NAALADL2: variants seen among roughly 807,000 people sequenced by gnomAD.
NAALADL2 encodes N-acetylated alpha-linked acidic dipeptidase like 2.
A neutral mutation model predicts 87.2 loss-of-function variants in NAALADL2; 76 were observed. The observed-to-expected ratio is 0.87, with a 90% confidence interval of 0.72 to 1.05. The LOEUF (loss-of-function observed/expected upper bound fraction) is 1.05, where lower values mean the gene tolerates loss of function less well. Ranked by LOEUF, NAALADL2 falls within the 50% of genes least tolerant of loss-of-function variation. NAALADL2 has a pLI of 0.00. For missense variants in NAALADL2, 1,089 were observed against 945.8 expected (o/e 1.15, Z -1.99); for synonymous variants, 354 against 331.0 (o/e 1.07, Z -0.75).
chr3:174,628,037 T>A (rs2108685332), intron 2 of NAALADL2, among the ~76,000 whole-genome samples: 1 of 152,322 alleles, frequency 6.6e-6, no homozygotes, highest in East Asian at 1.9e-4. Flanking sequence ...GACTTCACCA[T>A]TGTGCAATAT....
intron 2 of NAALADL2, among the ~76,000 whole-genome samples, chr3:175,214,724 A>C (rs1269650464): frequency 5.3e-5 from 8 of 152,144 alleles, no homozygotes. Flanking sequence ...ATTCCTACTA[A>C]ACTGGGTAAC....
At chr3:174,522,907 T>C (rs1488402843) in intron 1 of NAALADL2, among the ~76,000 whole-genome samples, 1 of 131,654 alleles carries the variant, frequency 7.6e-6, no homozygotes, top group Non-Finnish European at 1.5e-5. Flanking sequence ...GCACTCCAGC[T>C]TGGGCGAAAG....
chr3:175,100,027 T>C (rs1721854627), intron 2 of NAALADL2, among the ~76,000 whole-genome samples: 1 of 150,694 alleles, frequency 6.6e-6, no homozygotes, highest in South Asian at 2.1e-4. Flanking sequence ...AGTATTTATA[T>C]TATATGATAT....
intron 9 of NAALADL2, among the ~76,000 whole-genome samples, chr3:175,558,768 G>T (rs1358266900): frequency 1.3e-5 from 2 of 152,006 alleles, no homozygotes; most frequent in Non-Finnish European, 2.9e-5. Context: ...TCTCTATTCT[G>T]TTCCACTGAT....
chr3:175,187,567 A>T (rs1346834682), intron 2 of NAALADL2, among the ~76,000 whole-genome samples: 1 of 152,160 alleles, frequency 6.6e-6, no homozygotes, highest in African/African-American at 2.4e-5. Context: ...CTTCCAAATG[A>T]TTATTTTATT....
At chr3:175,503,961 T>C (rs1729912623) in intron 9 of NAALADL2, among the ~76,000 whole-genome samples, 1 of 152,224 alleles carries the variant, frequency 6.6e-6, no homozygotes, top group South Asian at 2.1e-4. Context: ...ATTTTTGTTT[T>C]TCTTCCAATT....
intron 1 of NAALADL2, among the ~76,000 whole-genome samples, chr3:174,876,820 G>A (rs1165529441): frequency 1.3e-5 from 2 of 152,094 alleles, no homozygotes; most frequent in African/African-American, 4.8e-5. Flanking sequence ...GGCTTGGGCT[G>A]CTAAAACAAA....
chr3:175,629,620 C>T (rs543363589), intron 11 of NAALADL2, among the ~76,000 whole-genome samples: 66 of 151,612 alleles, frequency 4.4e-4, no homozygotes, highest in Admixed American at 1.3e-3. Flanking sequence ...ATGATGGTGT[C>T]TAGCATCAGA....
intron 10 of NAALADL2, among the ~76,000 whole-genome samples, chr3:175,600,246 TC>T (rs1722773466): frequency 6.6e-6 from 1 of 151,108 alleles, no homozygotes; most frequent in Admixed American, 6.6e-5. Flanking sequence ...TATTCTTTTA[TC>T]CCCTTAGTCT....
At chr3:175,274,907 G>A (rs1393610249) in intron 4 of NAALADL2, among the ~76,000 whole-genome samples, 1 of 152,008 alleles carries the variant, frequency 6.6e-6, no homozygotes, top group Non-Finnish European at 1.5e-5. Flanking sequence ...TCACAAAAAG[G>A]CGTTATTCCC....
intron 2 of NAALADL2, among the ~76,000 whole-genome samples, chr3:175,219,867 TC>T (rs375310402): frequency 0.026 from 3,456 of 133,148 alleles, 137 homozygotes; most frequent in African/African-American, 0.11. Flanking sequence ...TGGTTTTCTT[TC>T]TTTTTTTTTT....
intron 2 of NAALADL2, among the ~76,000 whole-genome samples, chr3:174,640,891 GA>G (rs938995113): frequency 6.6e-6 from 1 of 152,174 alleles, no homozygotes; most frequent in Admixed American, 6.5e-5. Context: ...ACTCTGCCAT[GA>G]AAAAAAGTCA....
At chr3:175,322,780 A>G (rs1199735040) in intron 4 of NAALADL2, among the ~76,000 whole-genome samples, 20 of 148,110 alleles carry the variant, frequency 1.4e-4, no homozygotes, top group African/African-American at 5.1e-4. Context: ...AATCAAAACC[A>G]CTATGAGATA....
intron 5 of NAALADL2, among the ~76,000 whole-genome samples, chr3:175,371,555 C>T (rs567333588): frequency 2.6e-5 from 4 of 152,210 alleles, no homozygotes; most frequent in South Asian, 2.1e-4. Flanking sequence ...CTGGGCACGA[C>T]GGCTCATGCT....
chr3:175,689,335 T>C (rs903776041), intron 11 of NAALADL2, among the ~76,000 whole-genome samples: 17 of 151,982 alleles, frequency 1.1e-4, no homozygotes, highest in Admixed American at 5.2e-4. Flanking sequence ...AAATGTGTCA[T>C]AGGAAGAGAG....
intron 11 of NAALADL2, among the ~76,000 whole-genome samples, chr3:175,683,743 A>G (rs1032331484): frequency 1.3e-5 from 2 of 151,988 alleles, no homozygotes; most frequent in Non-Finnish European, 2.9e-5. Context: ...TTGTTATTTC[A>G]TTATGCTGAA....
chr3:175,472,907 G>C (rs1725108705), intron 9 of NAALADL2, among the ~76,000 whole-genome samples: 1 of 151,988 alleles, frequency 6.6e-6, no homozygotes, highest in Non-Finnish European at 1.5e-5. Flanking sequence ...ATGAGCCTCG[G>C]ATGTCTCCCT....
intron 3 of NAALADL2, among the ~76,000 whole-genome samples, chr3:175,237,284 G>T (rs1442116644): frequency 6.6e-6 from 1 of 152,054 alleles, no homozygotes; most frequent in Non-Finnish European, 1.5e-5. Flanking sequence ...CTATAATTAT[G>T]ATTTGATTAA....
intron 11 of NAALADL2, among the ~76,000 whole-genome samples, chr3:175,655,114 G>A (rs144156804): frequency 4.7e-4 from 71 of 152,154 alleles, no homozygotes; most frequent in Non-Finnish European, 7.9e-4. Flanking sequence ...ATTTAATAAT[G>A]TGTCTTTGCA....
Sources: allele counts gnomAD v4.1 joint callset (sites outside exome capture counted in the v4.1 genomes callset), GRCh38; gene constraint gnomAD v4.1.1; transcripts MANE v1.5; gene names NCBI Gene and HGNC (gene_info 2026-07-23, HGNC 2026-07-21).